The following AGBL4 variants were observed in gnomAD, a reference collection of about 807,000 sequenced individuals.
The protein encoded by AGBL4 is AGBL carboxypeptidase 4.
In AGBL4, 58 loss-of-function variants were observed where a neutral mutation model predicts 66.4. The observed-to-expected ratio is 0.87, with a 90% CI of 0.71 to 1.09. AGBL4 has a LOEUF of 1.09. Among genes scored for constraint, AGBL4 ranks in the 50% least tolerant of loss-of-function variants. AGBL4 has a pLI of 0.00. For synonymous variants in AGBL4, 234 were observed against 222.9 expected (o/e 1.05, Z -0.44); for missense variants, 579 against 631.0 (o/e 0.92, Z 0.88).
At chr1:49,399,475 T>C (rs566289195) in intron 3 of AGBL4, among the ~76,000 whole-genome samples, 1 of 152,252 alleles carries the variant, frequency 6.6e-6, no homozygotes, top group African/African-American at 2.4e-5. Context: ...TGTATGAGGG[T>C]TCCCTTTTCT....
intron 3 of AGBL4, among the ~76,000 whole-genome samples, chr1:49,359,056 C>T (rs150359649): frequency 4.6e-5 from 7 of 151,868 alleles, no homozygotes; most frequent in Admixed American, 2.0e-4. Context: ...ACCATGTGTG[C>T]GTACATACAT....
chr1:48,706,474 A>G (rs897827256), intron 6 of AGBL4, among the ~76,000 whole-genome samples: 10 of 152,136 alleles, frequency 6.6e-5, no homozygotes, highest in Non-Finnish European at 1.3e-4. Flanking sequence ...GGAAATTGAA[A>G]TCACTTTTCT....
intron 7 of AGBL4, among the ~76,000 whole-genome samples, chr1:48,662,585 T>C (rs969719189): frequency 8.5e-5 from 13 of 152,190 alleles, no homozygotes; most frequent in African/African-American, 3.1e-4. Flanking sequence ...GGGTGAAATA[T>C]GTAATAATAA....
chr1:49,915,436 T>C (rs1651330016), intron 1 of AGBL4, among the ~76,000 whole-genome samples: 1 of 152,282 alleles, frequency 6.6e-6, no homozygotes, highest in African/African-American at 2.4e-5. Flanking sequence ...CAAGAGATTA[T>C]ATCCCGCGCC....
chr1:49,786,610 A>T (rs184912298), intron 2 of AGBL4, among the ~76,000 whole-genome samples: 1 of 152,302 alleles, frequency 6.6e-6, no homozygotes, highest in East Asian at 1.9e-4. Flanking sequence ...TTTCATCTCC[A>T]GACAAAGTTT....
chr1:49,172,110 G>A (rs1217260534), intron 4 of AGBL4, among the ~76,000 whole-genome samples: 1 of 152,172 alleles, frequency 6.6e-6, no homozygotes, highest in Non-Finnish European at 1.5e-5. Flanking sequence ...ATAAAAAACA[G>A]ACACAGATGA....
intron 6 of AGBL4, among the ~76,000 whole-genome samples, chr1:48,739,132 T>C (rs1649519438): frequency 1.3e-5 from 2 of 152,214 alleles, no homozygotes; most frequent in South Asian, 4.1e-4. Context: ...TGTATCTGCC[T>C]GGCTACTTCC....
intron 9 of AGBL4, among the ~76,000 whole-genome samples, chr1:48,622,103 C>T (rs1645423526): frequency 6.6e-6 from 1 of 152,128 alleles, no homozygotes; most frequent in Non-Finnish European, 1.5e-5. Context: ...TTGCCTCCTG[C>T]CCCTTCTCCA....
chr1:49,726,334 G>A (rs1649030212), intron 2 of AGBL4, among the ~76,000 whole-genome samples: 1 of 152,100 alleles, frequency 6.6e-6, no homozygotes, highest in Non-Finnish European at 1.5e-5. Flanking sequence ...GGAGATGCAA[G>A]AGTCAAATCT....
At chr1:48,941,041 G>T (rs959837636) in intron 5 of AGBL4, among the ~76,000 whole-genome samples, 1 of 152,182 alleles carries the variant, frequency 6.6e-6, no homozygotes, top group Non-Finnish European at 1.5e-5. Context: ...AAGGGAATCT[G>T]ATGTAAGTTA....
At chr1:48,853,669 G>A (rs1647081106) in intron 6 of AGBL4, among the ~76,000 whole-genome samples, 2 of 152,180 alleles carry the variant, frequency 1.3e-5, no homozygotes, top group Non-Finnish European at 2.9e-5. Flanking sequence ...ACATATGTAT[G>A]TACTACAAAT....
chr1:49,038,806 C>T (rs187376965), intron 5 of AGBL4, among the ~76,000 whole-genome samples: 1 of 152,158 alleles, frequency 6.6e-6, no homozygotes, highest in Non-Finnish European at 1.5e-5. Flanking sequence ...TCTTACAAAA[C>T]TAAGCCTACT....
chr1:49,084,928 T>C (rs1644877536), intron 4 of AGBL4, among the ~76,000 whole-genome samples: 1 of 152,168 alleles, frequency 6.6e-6, no homozygotes, highest in Admixed American at 6.5e-5. Flanking sequence ...TAAGTTCTCT[T>C]CACTTACCTA....
intron 2 of AGBL4, among the ~76,000 whole-genome samples, chr1:49,742,194 T>C (rs1650561424): frequency 6.6e-6 from 1 of 150,816 alleles, no homozygotes. Flanking sequence ...ATAAGCAACT[T>C]CAGCAAAGTC....
rs189371876 is a variant in AGBL4, at chr1:48,664,067, T to C, written c.635-826A>G. On this transcript the variant is annotated intron_variant, in intron 6 of 13. Transcript: ENST00000371839. ...TGAGAGAAGGAAAACAAATGAGATA[T>C]GCCCTATGATTGCCCTGGCTTTTTG... Among the ~76,000 whole-genome samples, 7 of 152,302 alleles carry C rather than the reference T, an allele frequency of 4.6e-5. No homozygotes were observed. In the East Asian group the frequency reaches 1.2e-3, roughly 25 times the overall value.
At chr1:49,711,214 A>T (rs768289091) in intron 2 of AGBL4, among the ~76,000 whole-genome samples, 1 of 152,138 alleles carries the variant, frequency 6.6e-6, no homozygotes, top group Non-Finnish European at 1.5e-5. Context: ...AATGTACACC[A>T]ATTATATGAC....
chr1:49,667,186 T>TTACC (rs1646387755), intron 3 of AGBL4, among the ~76,000 whole-genome samples: 1 of 152,102 alleles, frequency 6.6e-6, no homozygotes, highest in Non-Finnish European at 1.5e-5. Context: ...AGGCCAGGCA[T>TTACC]GGTAGCTCAT....
At chr1:48,999,364 T>A (rs987781192) in intron 5 of AGBL4, among the ~76,000 whole-genome samples, 11 of 152,302 alleles carry the variant, frequency 7.2e-5, no homozygotes, top group Non-Finnish European at 1.5e-4. Flanking sequence ...TTGATTAAAG[T>A]CCTCAGAAAT....
chr1:49,914,917 C>G (rs968147302), intron 1 of AGBL4, among the ~76,000 whole-genome samples: 1 of 152,046 alleles, frequency 6.6e-6, no homozygotes. Flanking sequence ...TGTAACTAAC[C>G]CACTCCCACA....
Sources: allele counts gnomAD v4.1 joint callset (sites outside exome capture counted in the v4.1 genomes callset), GRCh38; gene constraint gnomAD v4.1.1; transcripts MANE v1.5; gene names NCBI Gene and HGNC (gene_info 2026-07-23, HGNC 2026-07-21).